Variants in MMP16 observed in about 807,000 individuals in gnomAD.
The protein encoded by MMP16 is matrix metalloproteinase-16.
A neutral mutation model predicts 67.8 loss-of-function variants in MMP16; 12 were observed. That is an observed-to-expected ratio of 0.18 (90% CI 0.11 to 0.29). The LOEUF (loss-of-function observed/expected upper bound fraction) is 0.29, where lower values mean the gene tolerates loss of function less well. Ranked by LOEUF, MMP16 falls within the 10% of genes least tolerant of loss-of-function variation. The pLI, the probability that MMP16 is intolerant of heterozygous loss-of-function variation, is 1.00. For synonymous variants in MMP16, 249 were observed against 255.9 expected, an observed-to-expected ratio of 0.97 and a Z score of 0.26; for missense variants, 475 against 765.7, an observed-to-expected ratio of 0.62 and a Z score of 4.48.
At position 88,095,906 on chromosome 8, in the gene MMP16, G is replaced by GTA. The variant is rs1809018693; in HGVS notation, c.1083+20599_1083+20600dup. On this transcript the variant is annotated intron_variant, in intron 6 of 9. Transcript: ENST00000286614. ...GAAATGGAGTAGTGAATAAGAGAGT[G>GTA]TATAAGAAAGCCAACTGTAACTTGT... Among the ~76,000 whole-genome samples, 3 of 152,040 alleles carry GTA rather than the reference G, an allele frequency of 2.0e-5. No individual in the cohort carries two copies. In the South Asian group the frequency reaches 6.2e-4, roughly 31 times the overall value.
chr8:88,315,130 C>T (rs1031694535), intron 1 of MMP16, among the ~76,000 whole-genome samples: 2 of 152,110 alleles, frequency 1.3e-5, no homozygotes, highest in African/African-American at 2.4e-5. Flanking sequence ...GGCATACCTC[C>T]GTTTATTGCA....
At chr8:88,214,137 GAAC>G (rs1809552372) in intron 1 of MMP16, among the ~76,000 whole-genome samples, 1 of 152,092 alleles carries the variant, frequency 6.6e-6, no homozygotes, top group Admixed American at 6.6e-5. Flanking sequence ...AGCTCAAGAT[GAAC>G]TCTCTCCAGA....
chr8:88,265,615 T>C (rs899310119), intron 1 of MMP16, among the ~76,000 whole-genome samples: 3 of 152,172 alleles, frequency 2.0e-5, no homozygotes, highest in African/African-American at 4.8e-5. Flanking sequence ...GGAAATAATC[T>C]GTGATTATGT....
intron 6 of MMP16, among the ~76,000 whole-genome samples, chr8:88,111,847 G>T (rs544156858): frequency 4.0e-5 from 6 of 151,822 alleles, no homozygotes; most frequent in Non-Finnish European, 8.8e-5. Context: ...CTTGAACTAT[G>T]ATTCTTCAGT....
chr8:88,148,862 G>T (rs1204675902), intron 4 of MMP16, among the ~76,000 whole-genome samples: 2 of 152,234 alleles, frequency 1.3e-5, no homozygotes, highest in African/African-American at 4.8e-5. Context: ...GAGGAGCCAA[G>T]ATGGCCGAAT....
At chr8:88,262,251 G>T (rs1166571974) in intron 1 of MMP16, among the ~76,000 whole-genome samples, 1 of 152,188 alleles carries the variant, frequency 6.6e-6, no homozygotes, top group Non-Finnish European at 1.5e-5. Flanking sequence ...TTTATCAAAC[G>T]TGGCATAGTG....
intron 1 of MMP16, among the ~76,000 whole-genome samples, chr8:88,217,266 G>T (rs1002812211): frequency 6.6e-6 from 1 of 151,976 alleles, no homozygotes; most frequent in Non-Finnish European, 1.5e-5. Context: ...TTATGTGGTT[G>T]TCACTAATCC....
chr8:88,288,252 A>G (rs1810864787), intron 1 of MMP16, among the ~76,000 whole-genome samples: 2 of 152,242 alleles, frequency 1.3e-5, no homozygotes, highest in Non-Finnish European at 1.5e-5. Context: ...GCAATGTACA[A>G]TGAGCACATC....
At chr8:88,189,264 A>G (rs944693514) in intron 2 of MMP16, among the ~76,000 whole-genome samples, 3 of 152,166 alleles carry the variant, frequency 2.0e-5, no homozygotes, top group African/African-American at 7.2e-5. Context: ...ATAATGGGGT[A>G]AGTGCTGTCA....
chr8:88,202,905 A>G (rs551990443), intron 1 of MMP16, among the ~76,000 whole-genome samples: 14 of 152,066 alleles, frequency 9.2e-5, no homozygotes, highest in Non-Finnish European at 1.9e-4. Flanking sequence ...AATGCTGAAC[A>G]ATGCACCAGG....
chr8:88,316,478 C>G (rs1398004393), intron 1 of MMP16, among the ~76,000 whole-genome samples: 1 of 152,128 alleles, frequency 6.6e-6, no homozygotes, highest in Non-Finnish European at 1.5e-5. Context: ...CTAAATCTAC[C>G]CTGCTCTATC....
chr8:88,247,742 A>C (rs1469014980), intron 1 of MMP16, among the ~76,000 whole-genome samples: 1 of 151,642 alleles, frequency 6.6e-6, no homozygotes, highest in African/African-American at 2.4e-5. Flanking sequence ...CTTCAGCTGT[A>C]CCTTCGCTCC....
intron 1 of MMP16, among the ~76,000 whole-genome samples, chr8:88,222,653 T>C (rs1368922107): frequency 6.6e-6 from 1 of 152,274 alleles, no homozygotes; most frequent in East Asian, 1.9e-4. Context: ...AGTAGAAAGC[T>C]AAAACTGGAT....
intron 1 of MMP16, among the ~76,000 whole-genome samples, chr8:88,269,042 T>G (rs574696418): frequency 5.8e-4 from 89 of 152,218 alleles, no homozygotes; most frequent in Admixed American, 1.3e-3. Flanking sequence ...GCACTCAGTT[T>G]TATATATAAC....
chr8:88,166,780 C>T (rs80158371), intron 4 of MMP16, among the ~76,000 whole-genome samples: 9,889 of 144,968 alleles, frequency 0.068, 367 homozygotes, highest in East Asian at 0.16. Flanking sequence ...AAAAAACAGA[C>T]CCAGGCTGGT....
chr8:88,137,442 G>A (rs1808139987), intron 4 of MMP16, among the ~76,000 whole-genome samples: 1 of 152,010 alleles, frequency 6.6e-6, no homozygotes, highest in African/African-American at 2.4e-5. Flanking sequence ...ACATTGAGAA[G>A]TCAGGTGCCA....
At chr8:88,227,875 T>TA (rs901693797) in intron 1 of MMP16, among the ~76,000 whole-genome samples, 5 of 151,924 alleles carry the variant, frequency 3.3e-5, no homozygotes, top group Non-Finnish European at 7.4e-5. Context: ...CCCAGGAACT[T>TA]AAAAAACAAT....
chr8:88,068,848 C>G (rs1334289685), intron 7 of MMP16, among the ~76,000 whole-genome samples: 2 of 151,968 alleles, frequency 1.3e-5, no homozygotes. Flanking sequence ...ATTGCAGAAG[C>G]CTGCCACCAA....
At chr8:88,103,934 C>G (rs768934986) in intron 6 of MMP16, among the ~76,000 whole-genome samples, 2 of 151,692 alleles carry the variant, frequency 1.3e-5, no homozygotes, top group Non-Finnish European at 2.9e-5. Flanking sequence ...TAATTGGACA[C>G]CTTTGCTAGC....
Sources: gnomAD v4.1 joint callset for allele counts (sites outside exome capture counted in the v4.1 genomes callset) on GRCh38, gnomAD v4.1.1 for gene constraint, MANE v1.5 for transcripts, NCBI Gene and HGNC (gene_info 2026-07-23, HGNC 2026-07-21) for gene names.